Variants in ADK observed in about 807,000 individuals in gnomAD.
The protein encoded by ADK is N6,N6-dimethyladenosine kinase.
A neutral mutation model predicts 44.7 loss-of-function variants in ADK; 24 were observed. The observed-to-expected ratio is 0.54, with a 90% CI of 0.39 to 0.76. The LOEUF is 0.76. ADK is among the 30% of genes least tolerant of loss of function. The probability of loss-of-function intolerance (pLI) is 0.00; values close to 1 mark genes in which losing one functional copy is unlikely to be tolerated. For synonymous variants in ADK, 128 were observed against 142.6 expected (o/e 0.90, Z 0.73); for missense variants, 321 against 425.1 (o/e 0.76, Z 2.15).
chr10:74,452,233 C>T (rs1904064), intron 6 of ADK, among the ~76,000 whole-genome samples: 91,902 of 151,688 alleles, frequency 0.61, 30,204 homozygotes, highest in Middle Eastern at 0.78. Context: ...TTTATCTAAA[C>T]TCGGATTATT....
chr10:74,200,813 G>C lies in ADK; in HGVS notation c.115G>C (p.Val39Leu). Reference protein sequence around the residue: ...MGNPLLDISAVVDKDFLDKYS... With the variant: ...MGNPLLDISALVDKDFLDKYS... ...AAATCCTCTGCTTGACATCTCTGCT[G>C]TAGTGGACAAAGATTTCCTTGATAA... Residue 39 changes from valine (V) to leucine (L), a missense_variant, in exon 2 of 11, where the codon GTA becomes CTA. Physicochemically the swap from Val to Leu is conservative, Grantham distance 32. Transcript: ENST00000539909. 6.2e-7 allele frequency: 1 copy of C among 1,610,396 alleles called. No homozygotes were observed. Among genetic ancestry groups the C allele is most frequent in the Non-Finnish European group, 8.5e-7 (1 of 1,177,144 alleles).
chr10:74,437,658 C>T (rs1178832561), intron 6 of ADK, among the ~76,000 whole-genome samples: 1 of 152,194 alleles, frequency 6.6e-6, no homozygotes, highest in Non-Finnish European at 1.5e-5. Context: ...TGACTGATCT[C>T]CTTCTACTTT....
chr10:74,382,217 G>T (rs1842993905), intron 4 of ADK, among the ~76,000 whole-genome samples: 1 of 152,114 alleles, frequency 6.6e-6, no homozygotes, highest in Non-Finnish European at 1.5e-5. Context: ...TCTCACCTCA[G>T]CCTCCTGAGT....
chr10:74,588,427 G>C (rs1396926337), intron 7 of ADK, among the ~76,000 whole-genome samples: 1 of 152,032 alleles, frequency 6.6e-6, no homozygotes, highest in Non-Finnish European at 1.5e-5. Context: ...AAAACATTAA[G>C]CTAGTTGTCC....
intron 5 of ADK, among the ~76,000 whole-genome samples, chr10:74,396,531 CT>C (rs1327472418): frequency 6.6e-6 from 1 of 152,000 alleles, no homozygotes; most frequent in Non-Finnish European, 1.5e-5. Context: ...GAGTGAGCCC[CT>C]GTCTAAAAAA....
intron 7 of ADK, among the ~76,000 whole-genome samples, chr10:74,532,755 G>T (rs1849332138): frequency 6.6e-6 from 1 of 151,642 alleles, no homozygotes. Context: ...ACAAAAATTA[G>T]CTGGGCATGG....
In ADK at chr10:74,308,423, T is replaced by C. The variant is rs375951995; in HGVS notation, c.195-6244T>C. Among the ~76,000 whole-genome samples, 7 of 152,332 alleles carry C rather than the reference T, an allele frequency of 4.6e-5. No homozygotes were observed. The East Asian group carries it at 1.2e-3, about 25-fold the overall frequency. On this transcript the variant is annotated intron_variant, in intron 3 of 10. Transcript: ENST00000539909. ...AAATAAACGCATGTCGAAAATGTTA[T>C]TTTGGCTTTTAGCAAACTGACATTT...
chr10:74,336,561 G>C (rs1449389605), intron 4 of ADK, among the ~76,000 whole-genome samples: 1 of 152,024 alleles, frequency 6.6e-6, no homozygotes, highest in Non-Finnish European at 1.5e-5. Flanking sequence ...TTAGAAATTA[G>C]GTTTTCAATA....
intron 6 of ADK, among the ~76,000 whole-genome samples, chr10:74,434,214 A>C (rs1221184841): frequency 2.6e-5 from 4 of 152,194 alleles, no homozygotes; most frequent in Admixed American, 2.0e-4. Flanking sequence ...CAGAAGAGAC[A>C]GAAAAGGATG....
chr10:74,499,653 A>C (rs1470344519), intron 6 of ADK, among the ~76,000 whole-genome samples: 3 of 151,840 alleles, frequency 2.0e-5, no homozygotes. Flanking sequence ...GCGCCACTGC[A>C]CTCCAGCCTG....
At chr10:74,622,379 C>T (rs1203264209) in intron 9 of ADK, among the ~76,000 whole-genome samples, 2 of 152,080 alleles carry the variant, frequency 1.3e-5, no homozygotes, top group African/African-American at 4.8e-5. Flanking sequence ...GAGACCTTCT[C>T]TTGTCAAATT....
At chr10:74,343,073 A>G (rs920967689) in intron 4 of ADK, among the ~76,000 whole-genome samples, 1 of 152,134 alleles carries the variant, frequency 6.6e-6, no homozygotes, top group Admixed American at 6.6e-5. Context: ...ATAGGGGGAA[A>G]ATATCTAATC....
At chr10:74,644,235 C>G (rs1853980145) in intron 9 of ADK, among the ~76,000 whole-genome samples, 1 of 152,108 alleles carries the variant, frequency 6.6e-6, no homozygotes, top group East Asian at 1.9e-4. Context: ...GCATCTGTAC[C>G]ACATTCAACC....
intron 7 of ADK, among the ~76,000 whole-genome samples, chr10:74,559,095 C>A (rs994887806): frequency 6.6e-6 from 1 of 152,224 alleles, no homozygotes; most frequent in African/African-American, 2.4e-5. Flanking sequence ...CCCTCTCAGG[C>A]CTGCAGCCTC....
At chr10:74,208,629 A>C (rs1182984305) in intron 2 of ADK, among the ~76,000 whole-genome samples, 1 of 152,116 alleles carries the variant, frequency 6.6e-6, no homozygotes, top group Non-Finnish European at 1.5e-5. Flanking sequence ...TATATTTAAA[A>C]ACTTACCTTA....
At chr10:74,328,414 A>G (rs943365463) in intron 4 of ADK, among the ~76,000 whole-genome samples, 1 of 152,006 alleles carries the variant, frequency 6.6e-6, no homozygotes, top group Non-Finnish European at 1.5e-5. Flanking sequence ...CATCCAGGGG[A>G]CTTCTGCATA....
At chr10:74,337,696 ACT>A (rs1841451965) in intron 4 of ADK, among the ~76,000 whole-genome samples, 1 of 151,186 alleles carries the variant, frequency 6.6e-6, no homozygotes, top group South Asian at 2.1e-4. Context: ...GTGTTGTCCT[ACT>A]ATTAGCTAGA....
intron 4 of ADK, among the ~76,000 whole-genome samples, chr10:74,373,339 T>G (rs72818552): frequency 0.052 from 7,983 of 152,204 alleles, 315 homozygotes; most frequent in Middle Eastern, 0.12. Context: ...TTCATCAAGT[T>G]TTGAAAGTTT....
rs999455795 is a variant in ADK, at chr10:74,170,326, A to G, written c.65+18983A>G. Among the ~76,000 whole-genome samples, 4 of 152,164 alleles carry G rather than the reference A, an allele frequency of 2.6e-5. No homozygotes were observed. The South Asian group carries it at 8.3e-4, about 31-fold the overall frequency. On this transcript the variant is annotated intron_variant, in intron 1 of 10. Transcript: ENST00000539909. ...ATTTTTGTTATTCCTGTCTTAAAGA[A>G]TCTTTATACATGAAAAAATGAAACA...
Sources: gnomAD v4.1 joint callset for allele counts (sites outside exome capture counted in the v4.1 genomes callset) on GRCh38, gnomAD v4.1.1 for gene constraint, MANE v1.5 for transcripts, NCBI Gene and HGNC (gene_info 2026-07-23, HGNC 2026-07-21) for gene names.